The following CREG1 variants were observed in gnomAD, a reference collection of about 807,000 sequenced individuals.
CREG1 encodes protein CREG1.
Under a neutral mutation model 19.9 loss-of-function variants are expected in CREG1, and 20 were observed. The ratio of observed to expected loss-of-function variants is 1.01; its 90% CI spans 0.71 to 1.46. CREG1 has a LOEUF of 1.46. Among genes scored for constraint, CREG1 ranks in the 40% most tolerant of loss-of-function variants. CREG1 has a pLI of 0.00. For missense variants in CREG1, 290 were observed against 314.9 expected (o/e 0.92, Z 0.60); for synonymous variants, 141 against 143.3 (o/e 0.98, Z 0.12).
chr1:167,542,342 G>A, intron 3 of CREG1, 41 bp from the exon 4 acceptor site: 1 of 1,569,664 alleles, frequency 6.4e-7, no homozygotes, highest in African/African-American at 1.4e-5. Flanking sequence ...GTTAAACTGG[G>A]TTAACAAATC....
chr1:167,548,001 C>A lies in CREG1; in HGVS notation c.474+1G>T, dbSNP rs1014365545. Reference sequence around the variant, plus strand: ...TCCCTTCCTGTAGGATAACTACTTACCTTGGTCACAGTTCCTGACAGCATT... The same window carrying A: ...TCCCTTCCTGTAGGATAACTACTTAACTTGGTCACAGTTCCTGACAGCATT... On this transcript the variant is annotated splice_donor_variant, in intron 2 of 3. Transcript: ENST00000370509. LOFTEE classifies it high-confidence loss of function. The A allele has an allele frequency of 1.2e-6, 2 of 1,609,698 alleles. No individual in the cohort carries two copies. The highest frequency in any genetic ancestry group is 1.7e-6 in the Non-Finnish European group (2 of 1,176,264).
rs371241698 is a variant in CREG1 at position 167,546,102 on chromosome 1, G to A, written c.658C>T (p.Gln220Ter). Residue 220 changes from glutamine (Q) to a stop codon, truncating the protein, a stop_gained and splice_region_variant, in exon 3 of 4, where the codon CAG becomes TAG. Transcript: ENST00000370509. LOFTEE classifies it high-confidence loss of function. ...GGTGAAAGATGTGTAAGTACTTACTGAACTGTGACATTATAATATTCTTCT... is the reference window on the plus strand; with the variant it reads ...GGTGAAAGATGTGTAAGTACTTACTAAACTGTGACATTATAATATTCTTCT... ...TPEEYYNVTV[Q>*] 5.0e-6 allele frequency: 8 copies of A among 1,597,470 alleles called. No individual in the cohort carries two copies. The East Asian group carries it at 1.8e-4, about 36-fold the overall frequency.
Position 167,542,197 on chromosome 1 carries a change from A to C in CREG1, c.*101T>G. ...ACCAGCATGTGACAGAAAACTGGCT[A>C]ATATTCTGGGACGCTTTCCAGAGAA... On this transcript the variant is annotated 3_prime_UTR_variant, in exon 4 of 4. Transcript: ENST00000370509. 9.4e-7 allele frequency: 1 copy of C among 1,064,020 alleles called. No individual in the cohort carries two copies. The highest frequency in any genetic ancestry group is 1.3e-6 in the Non-Finnish European group (1 of 751,808). 65.9% of individuals were successfully genotyped at this position (1,064,020 alleles called of 1,614,324 possible).
At chr1:167,543,342 G>T (rs1419443671) in intron 3 of CREG1, among the ~76,000 whole-genome samples, 1 of 152,166 alleles carries the variant, frequency 6.6e-6, no homozygotes, top group African/African-American at 2.4e-5. Context: ...TGCTCATGGG[G>T]GCTTCACCCA....
In CREG1 at chr1:167,541,368, G is replaced by A. The variant is rs1656219648; in HGVS notation, c.*930C>T. 6.6e-6 allele frequency: 1 copy of A among 152,178 alleles called. No individual in the cohort carries two copies. The highest frequency in any genetic ancestry group is 1.5e-5 in the Non-Finnish European group (1 of 68,038). 9.4% of individuals were successfully genotyped at this position (152,178 alleles called of 1,614,324 possible). ...GCACTAGAAGCTATTAAGAGATTTG[G>A]GGCAGTTGAGGAAGCCTTAGGTAAT... On this transcript the variant is annotated 3_prime_UTR_variant, in exon 4 of 4. Coordinates refer to ENST00000370509, the MANE Select transcript of CREG1 (RefSeq NM_003851.3).
At chr1:167,542,385 A>T (rs868367748) in intron 3 of CREG1, 84 bp from the exon 4 acceptor site, 16 of 1,306,416 alleles carry the variant, frequency 1.2e-5, no homozygotes, top group Middle Eastern at 2.5e-4. Context: ...GAAGGACTAG[A>T]TAAAATTTCT....
Position 167,546,237 on chromosome 1 carries a change from G to A in CREG1, c.523C>T (p.His175Tyr), listed in dbSNP as rs749437307. 1.2e-5 allele frequency: 19 copies of A among 1,611,604 alleles called. No homozygotes were observed. The highest frequency in any genetic ancestry group is 1.5e-5 in the Non-Finnish European group (18 of 1,178,998). Reference protein sequence around the residue: ...DIAKHSLFIRHPEMKTWPSSH... With the variant: ...DIAKHSLFIRYPEMKTWPSSH... Reference sequence around the variant, plus strand: ...GAAGGCCAGGTTTTCATCTCAGGGTGTCGAATGAATAACGAATGCTTTGCA... The same window carrying A: ...GAAGGCCAGGTTTTCATCTCAGGGTATCGAATGAATAACGAATGCTTTGCA... Residue 175 changes from histidine (H) to tyrosine (Y), a missense_variant, in exon 3 of 4, where the codon CAC (histidine) becomes TAC (tyrosine). His to Tyr is a moderately conservative substitution (Grantham distance 83, BLOSUM62 2). Transcript: ENST00000370509.
In CREG1 at chr1:167,541,759, G is replaced by A. The variant is rs2143300; in HGVS notation, c.*539C>T. 0.92 allele frequency: 140,436 copies of A among 152,278 alleles called. 64,881 individuals are homozygous for A. The highest frequency in any genetic ancestry group is 1 in the East Asian group (5,181 of 5,186). 9.4% of individuals were successfully genotyped at this position (152,278 alleles called of 1,614,324 possible). A position where few individuals can be genotyped will look rare whatever the true frequency, so the allele number is the denominator to read the frequency against. ...CCAGGATTGTGAGACATAAATCAAC[G>A]TGAGTAGGAAGCTCCATCTGAGTTT... On this transcript the variant is annotated 3_prime_UTR_variant, in exon 4 of 4. Transcript: ENST00000370509.
rs1656471404 is a variant in CREG1 at position 167,553,676 on chromosome 1, C to A, written c.66G>T (p.Leu22Phe). ...CCCGCGCGGGCGACACGAGCAGCGC[C>A]AACAGCGTCGACGCCAGCAGGGCGG... ...LLAALLASTL[L>F]ALLVSPARGR... Residue 22 changes from leucine (L) to phenylalanine (F), a missense_variant, in exon 1 of 4, where the codon TTG (leucine) becomes TTT (phenylalanine). Transcript: ENST00000370509. 1 of 1,329,738 alleles carries A rather than the reference C, an allele frequency of 7.5e-7. No individual in the cohort carries two copies. The highest frequency in any genetic ancestry group is 2.1e-5 in the South Asian group (1 of 48,632). 82.4% of individuals were successfully genotyped at this position (1,329,738 alleles called of 1,614,324 possible). A position where few individuals can be genotyped will look rare whatever the true frequency, so the allele number is the denominator to read the frequency against.
intron 1 of CREG1, among the ~76,000 whole-genome samples, chr1:167,548,617 T>C (rs1409950078): frequency 9.2e-5 from 14 of 152,230 alleles, no homozygotes; most frequent in African/African-American, 3.4e-4. Flanking sequence ...ACTGGAGAAG[T>C]TGTTCATTCC....
intron 1 of CREG1, among the ~76,000 whole-genome samples, chr1:167,549,455 G>A (rs1656385780): frequency 6.6e-6 from 1 of 151,362 alleles, no homozygotes; most frequent in Non-Finnish European, 1.5e-5. Flanking sequence ...TGCGATCTCA[G>A]CTCACTGCAA....
intron 1 of CREG1, among the ~76,000 whole-genome samples, chr1:167,550,135 G>A (rs928295145): frequency 7.9e-5 from 12 of 152,026 alleles, no homozygotes; most frequent in African/African-American, 2.4e-4. Context: ...GACTACGGTC[G>A]TACACCACCA....
chr1:167,546,063 G>C, intron 3 of CREG1, 38 bp downstream of exon 3: 1 of 1,533,152 alleles, frequency 6.5e-7, no homozygotes, highest in African/African-American at 1.4e-5. Flanking sequence ...ATGGCTGTAA[G>C]GGCGGCAATC....
intron 3 of CREG1, among the ~76,000 whole-genome samples, chr1:167,544,211 C>T (rs1488446661): frequency 1.3e-5 from 2 of 152,154 alleles, no homozygotes; most frequent in Non-Finnish European, 2.9e-5. Flanking sequence ...CTGTGGGATT[C>T]TTTATTCCAA....
Position 167,553,494 on chromosome 1 carries a change from C to T in CREG1, c.248G>A (p.Arg83Gln). 1 of 1,489,858 alleles carries T rather than the reference C, an allele frequency of 6.7e-7. No individual in the cohort carries two copies. Among genetic ancestry groups the T allele is most frequent in the Admixed American group, 2.2e-5 (1 of 45,052 alleles). 92.3% of individuals were successfully genotyped at this position (1,489,858 alleles called of 1,614,324 possible). The change falls in exon 1 of 4, where the codon CGG becomes CAG. Residue 83 changes from arginine to glutamine, a missense_variant. Transcript: ENST00000370509. ...GAGCGAGAGGACGTCGGCGAAGGGC[C>T]GGCCGCGCACCGCCTCCAGCGTGGA... The part of the protein sequence containing the change: ...TISTLEAVRG[R>Q]PFADVLSLSD...
intron 1 of CREG1, 27 bp downstream of exon 1, chr1:167,553,361 C>T (rs900337337): frequency 7.4e-7 from 1 of 1,347,464 alleles, no homozygotes; most frequent in African/African-American, 1.5e-5. Context: ...CACAGCCCGC[C>T]TGGGGAAGCC....
At chr1:167,547,049 A>C (rs1656340384) in intron 2 of CREG1, among the ~76,000 whole-genome samples, 1 of 152,260 alleles carries the variant, frequency 6.6e-6, no homozygotes, top group Admixed American at 6.5e-5. Context: ...CCTGCCAGTG[A>C]AGGACACTCA....
chr1:167,550,765 G>A (rs2102152527), intron 1 of CREG1, among the ~76,000 whole-genome samples: 1 of 152,242 alleles, frequency 6.6e-6, no homozygotes, highest in Middle Eastern at 3.4e-3. Context: ...GAACTTTGAA[G>A]AGGTCAGAAA....
At position 167,546,304 on chromosome 1, in the gene CREG1, A is replaced by G. The variant is rs1185623457; in HGVS notation, c.475-19T>C. The G allele has an allele frequency of 1.3e-6, 2 of 1,495,406 alleles. No homozygotes were observed. The highest frequency in any genetic ancestry group is 2.3e-5 in the East Asian group (1 of 43,636). 92.6% of individuals were successfully genotyped at this position (1,495,406 alleles called of 1,614,324 possible). A position where few individuals can be genotyped will look rare whatever the true frequency, so the allele number is the denominator to read the frequency against. On this transcript the variant is annotated intron_variant, in intron 2 of 3. Transcript: ENST00000370509. ...CATTCACCTAAAGGACATATATGAA[A>G]TAAACATTCTTATGGCAGTAACACT...
Sources: allele counts gnomAD v4.1 joint callset (sites outside exome capture counted in the v4.1 genomes callset), GRCh38; gene constraint gnomAD v4.1.1; transcripts MANE v1.5; gene names NCBI Gene and HGNC (gene_info 2026-07-23, HGNC 2026-07-21).